Variants in CHRNA7 observed in about 807,000 individuals in gnomAD.
CHRNA7 encodes neuronal acetylcholine receptor subunit alpha-7.
A neutral mutation model predicts 48.0 loss-of-function variants in CHRNA7; 17 were observed. That is an observed-to-expected ratio of 0.35 (90% CI 0.24 to 0.53). The LOEUF is 0.53. CHRNA7 is among the 20% of genes least tolerant of loss of function. The probability of loss-of-function intolerance (pLI) is 0.92; values close to 1 mark genes in which losing one functional copy is unlikely to be tolerated. For synonymous variants in CHRNA7, 75 were observed against 242.3 expected (o/e 0.31, Z 6.41); for missense variants, 155 against 577.7 (o/e 0.27, Z 7.50).
At chr15:32,042,962 C>G (rs2049475068) in intron 2 of CHRNA7, among the ~76,000 whole-genome samples, 2 of 152,126 alleles carry the variant, frequency 1.3e-5, no homozygotes, top group African/African-American at 4.8e-5. Context: ...AGTTGAAAAT[C>G]AAGGGGGTAA....
At chr15:32,116,307 T>A (rs939391137) in intron 4 of CHRNA7, among the ~76,000 whole-genome samples, 1 of 152,140 alleles carries the variant, frequency 6.6e-6, no homozygotes, top group South Asian at 2.1e-4. Context: ...ATAATGCATT[T>A]TCCATGCTTT....
intron 2 of CHRNA7, among the ~76,000 whole-genome samples, chr15:32,091,200 T>C (rs1215801605): frequency 2.6e-5 from 4 of 152,216 alleles, no homozygotes; most frequent in Non-Finnish European, 5.9e-5. Flanking sequence ...CTCTGATATT[T>C]CTCTTGTCTG....
intron 4 of CHRNA7, among the ~76,000 whole-genome samples, chr15:32,151,416 G>C (rs1023770732): frequency 2.6e-5 from 4 of 152,198 alleles, no homozygotes; most frequent in Non-Finnish European, 4.4e-5. Flanking sequence ...ATATATGTTG[G>C]GAACAAGCTC....
intron 2 of CHRNA7, among the ~76,000 whole-genome samples, chr15:32,043,984 T>G (rs143804485): frequency 6.6e-6 from 1 of 152,324 alleles, no homozygotes; most frequent in East Asian, 1.9e-4. Context: ...CAGCATAGTG[T>G]CTATAGTCGA....
At chr15:32,099,063 C>G (rs992266098) in intron 2 of CHRNA7, 2 of 152,234 alleles carry the variant, frequency 1.3e-5, no homozygotes, top group African/African-American at 4.8e-5. Context: ...TTGTGCACTT[C>G]ACTCAAGATT....
intron 2 of CHRNA7, among the ~76,000 whole-genome samples, chr15:32,044,434 C>T (rs373636950): frequency 1.3e-5 from 2 of 152,062 alleles, no homozygotes; most frequent in African/African-American, 4.8e-5. Flanking sequence ...TGCACCACCA[C>T]GCCTGGCTAA....
At chr15:32,080,865 T>G (rs1443990524) in intron 2 of CHRNA7, among the ~76,000 whole-genome samples, 1 of 152,166 alleles carries the variant, frequency 6.6e-6, no homozygotes, top group Non-Finnish European at 1.5e-5. Flanking sequence ...GTAGCACTAT[T>G]CACAATAGCA....
chr15:32,102,240 G>A (rs1174262030), intron 3 of CHRNA7: 2 of 152,190 alleles, frequency 1.3e-5, no homozygotes, highest in Admixed American at 6.5e-5. Flanking sequence ...CGCCTTCCAG[G>A]TTCAAGTGAT....
chr15:32,146,898 A>G (rs2141349273), intron 4 of CHRNA7, among the ~76,000 whole-genome samples: 1 of 152,342 alleles, frequency 6.6e-6, no homozygotes, highest in Admixed American at 6.5e-5. Context: ...GTAAAACAAG[A>G]CAATTTTAAA....
intron 2 of CHRNA7, among the ~76,000 whole-genome samples, chr15:32,051,399 C>CA (rs2049674105): frequency 6.6e-6 from 1 of 152,176 alleles, no homozygotes; most frequent in Non-Finnish European, 1.5e-5. Flanking sequence ...AGTTTGATCT[C>CA]AGACTGCTGT....
chr15:32,056,903 G>A (rs929458219), intron 2 of CHRNA7, among the ~76,000 whole-genome samples: 4 of 152,140 alleles, frequency 2.6e-5, no homozygotes, highest in East Asian at 3.9e-4. Flanking sequence ...TTTAGCAGAC[G>A]TTATATGAGC....
chr15:32,054,319 T>C (rs898106411), intron 2 of CHRNA7, among the ~76,000 whole-genome samples: 7 of 152,164 alleles, frequency 4.6e-5, no homozygotes, highest in African/African-American at 1.7e-4. Flanking sequence ...AAATCACTAG[T>C]CAGGAAACAG....
At chr15:32,045,916 GT>G (rs894552194) in intron 2 of CHRNA7, among the ~76,000 whole-genome samples, 3 of 149,418 alleles carry the variant, frequency 2.0e-5, no homozygotes, top group Non-Finnish European at 3.0e-5. Context: ...AGAACATGTG[GT>G]GTTTGGTTTT....
chr15:32,138,244 A>G (rs112314054), intron 4 of CHRNA7, among the ~76,000 whole-genome samples: 1,962 of 152,294 alleles, frequency 0.013, 47 homozygotes, highest in African/African-American at 0.045. Context: ...GGGGTTTTCA[A>G]CTACAGAAAA....
At chr15:32,067,228 C>T (rs969193190) in intron 2 of CHRNA7, among the ~76,000 whole-genome samples, 1 of 152,150 alleles carries the variant, frequency 6.6e-6, no homozygotes, top group Non-Finnish European at 1.5e-5. Flanking sequence ...CTAGATACAT[C>T]ATAATCAAAC....
intron 2 of CHRNA7, among the ~76,000 whole-genome samples, chr15:32,055,261 T>C (rs35114543): frequency 0.53 from 80,862 of 151,478 alleles, 26,941 homozygotes; most frequent in Non-Finnish European, 0.73. Context: ...GGTTTGTTTT[T>C]TTCTTTATTG....
At chr15:32,088,185 A>T (rs1404437694) in intron 2 of CHRNA7, among the ~76,000 whole-genome samples, 1 of 152,222 alleles carries the variant, frequency 6.6e-6, no homozygotes, top group Non-Finnish European at 1.5e-5. Flanking sequence ...TTGGAATGAT[A>T]CAATATGTAG....
At chr15:32,075,929 ATTCT>A (rs1412197252) in intron 2 of CHRNA7, among the ~76,000 whole-genome samples, 3 of 151,880 alleles carry the variant, frequency 2.0e-5, no homozygotes, top group African/African-American at 7.3e-5. Flanking sequence ...AATTATCTTG[ATTCT>A]TTCTTTTTGA....
intron 2 of CHRNA7, among the ~76,000 whole-genome samples, chr15:32,044,187 T>C (rs903921479): frequency 3.9e-5 from 6 of 152,222 alleles, no homozygotes; most frequent in Admixed American, 6.5e-5. Flanking sequence ...GAATGACTTA[T>C]TGAATCTGTT....
Sources: gnomAD v4.1 joint callset for allele counts (sites outside exome capture counted in the v4.1 genomes callset) on GRCh38, gnomAD v4.1.1 for gene constraint, MANE v1.5 for transcripts, NCBI Gene and HGNC (gene_info 2026-07-23, HGNC 2026-07-21) for gene names.